DOCK1: variants seen among roughly 807,000 people sequenced by gnomAD.
DOCK1 encodes dedicator of cytokinesis protein 1.
Under a neutral mutation model 262.7 loss-of-function variants are expected in DOCK1, and 138 were observed. That is an observed-to-expected ratio of 0.53 (90% CI 0.46 to 0.61). The LOEUF (loss-of-function observed/expected upper bound fraction) is 0.61. Among genes scored for constraint, DOCK1 ranks in the 20% least tolerant of loss-of-function variants. The pLI, the probability that DOCK1 is intolerant of heterozygous loss-of-function variation, is 0.00. For missense variants in DOCK1, 1,908 were observed against 2,370.7 expected (o/e 0.80, Z 4.05); for synonymous variants, 866 against 867.4 (o/e 1.00, Z 0.03).
Position 127,024,753 on chromosome 10 carries a change from A to C in DOCK1, c.1521A>C (p.Val507=). 6.2e-7 allele frequency: 1 copy of C among 1,612,146 alleles called. No individual in the cohort carries two copies. The highest frequency in any genetic ancestry group is 8.5e-7 in the Non-Finnish European group (1 of 1,179,184). Residue 507 remains valine, a synonymous_variant, in exon 15 of 52, where the codon GTA becomes GTC. Coordinates refer to ENST00000623213, the MANE Select transcript of DOCK1 (RefSeq NM_001290223.2). The part of the protein sequence containing the change: ...SEYKSVIYYQ[V]KQPRWFETVK... ...ACAAATCTGTGATTTACTACCAAGT[A>C]AAGCAGCCACGCTGGTTTGAGACTG...
rs963471556 is a variant in DOCK1 at position 127,446,403 on chromosome 10, G to A, written c.5414-991G>A. ...CATCATGGTGATGGTTATCCCCCAC[G>A]GTCGATGTGATTAATGCCACCAAAT... is the stretch of plus-strand genomic sequence containing the variant. On this transcript the variant is annotated intron_variant, in intron 50 of 51. Transcript: ENST00000623213. The surrounding 1 kb of genome is among the most constrained non-coding windows in gnomAD (Gnocchi z 4.4). 6.6e-6 allele frequency among the ~76,000 whole-genome samples: 1 copy of A among 152,244 alleles called. No individual in the cohort carries two copies. Among genetic ancestry groups the A allele is most frequent in the African/African-American group, 2.4e-5 (1 of 41,556 alleles).
chr10:127,447,084 G>A (rs1006988725), intron 50 of DOCK1, among the ~76,000 whole-genome samples: 6 of 152,160 alleles, frequency 3.9e-5, no homozygotes, highest in African/African-American at 9.7e-5. Flanking sequence ...CAGGGGGCCC[G>A]AGCAGGGACA....
At chr10:126,970,645 A>C in intron 1 of DOCK1, 57 bp from the exon 2 acceptor site, 1 of 1,391,082 alleles carries the variant, frequency 7.2e-7, no homozygotes, top group Admixed American at 1.8e-5. Context: ...AACACGACTC[A>C]GCATGGTCAC....
At chr10:127,025,316 A>T (rs2042753452) in intron 15 of DOCK1, 1 of 152,322 alleles carries the variant, frequency 6.6e-6, no homozygotes, top group Non-Finnish European at 1.5e-5. Context: ...GCTTAGAGGC[A>T]GCATGTATTA....
chr10:127,049,078 A>C (rs894483288), intron 21 of DOCK1, among the ~76,000 whole-genome samples: 2 of 152,234 alleles, frequency 1.3e-5, no homozygotes, highest in African/African-American at 2.4e-5. Context: ...TTGTATATAA[A>C]AAGCCCTCCT....
chr10:127,332,020 G>T (rs1033548153), intron 29 of DOCK1, among the ~76,000 whole-genome samples: 1 of 152,234 alleles, frequency 6.6e-6, no homozygotes, highest in Admixed American at 6.5e-5. Flanking sequence ...GGAACCGGTG[G>T]CTGGGAACTG....
intron 27 of DOCK1, among the ~76,000 whole-genome samples, chr10:127,204,081 C>T (rs980040520): frequency 2.6e-5 from 4 of 152,082 alleles, no homozygotes; most frequent in African/African-American, 9.7e-5. Context: ...AGCTCCCTGG[C>T]ACCTTCTCCC....
chr10:126,990,806 C>T (rs3829124), intron 6 of DOCK1, among the ~76,000 whole-genome samples: 44,398 of 152,020 alleles, frequency 0.29, 6,843 homozygotes, highest in East Asian at 0.58. Flanking sequence ...TTCTTGAAAC[C>T]TTGTCATTCT....
intron 27 of DOCK1, chr10:127,137,003 G>A (rs1017364933): frequency 1.3e-5 from 2 of 152,618 alleles, no homozygotes; most frequent in African/African-American, 4.8e-5. Flanking sequence ...TATGTTCTCA[G>A]ATTCTTGCCA....
intron 25 of DOCK1, among the ~76,000 whole-genome samples, chr10:127,112,177 A>G (rs1241811874): frequency 6.6e-6 from 1 of 152,030 alleles, no homozygotes; most frequent in East Asian, 1.9e-4. Flanking sequence ...ATGCCTAGCT[A>G]ATTTCTGTAT....
intron 31 of DOCK1, 100 bp from the exon 32 acceptor site, chr10:127,354,569 T>G: frequency 7.5e-7 from 1 of 1,339,830 alleles, no homozygotes; most frequent in Non-Finnish European, 1.0e-6. Flanking sequence ...TTTATTTGCC[T>G]CAGTGCTAGA....
At position 127,447,470 on chromosome 10, in the gene DOCK1, A is replaced by G. The variant is rs1270178242; in HGVS notation, c.5490A>G (p.Ala1830=). The change falls in exon 51 of 52, where the codon GCA becomes GCG. Residue 1830 remains alanine (A), a synonymous_variant. Transcript: ENST00000623213. The part of the protein sequence containing the change: ...PPPLPLKGSV[A]DYGNLMENQD... ...CTCTGCCTCTCAAAGGCAGCGTGGC[A>G]GATTACGGGAATTTGATGGAAAACC... 1 of 1,613,842 alleles carries G rather than the reference A, an allele frequency of 6.2e-7. No individual in the cohort carries two copies. The highest frequency in any genetic ancestry group is 8.5e-7 in the Non-Finnish European group (1 of 1,179,842).
In DOCK1 at chr10:127,012,378, C is replaced by T. The variant is rs9418773; in HGVS notation, c.1201+4C>T. On this transcript the variant is annotated splice_donor_region_variant and intron_variant, in intron 12 of 51. Coordinates refer to ENST00000623213, the MANE Select transcript of DOCK1 (RefSeq NM_001290223.2). The surrounding 1 kb of genome is among the most constrained non-coding windows in gnomAD (Gnocchi z 4.0). Reference sequence around the variant, plus strand: ...GAAGTCAACCACAAGGGGCAGGGTACGTATTTTCCTATTTTGTTTCTATCA... The same window carrying T: ...GAAGTCAACCACAAGGGGCAGGGTATGTATTTTCCTATTTTGTTTCTATCA... 0.18 allele frequency: 291,981 copies of T among 1,612,636 alleles called. 28,016 individuals carry two copies. The highest frequency in any genetic ancestry group is 0.23 in the South Asian group (21,312 of 91,014).
chr10:127,342,395 C>A (rs937608172), intron 30 of DOCK1, among the ~76,000 whole-genome samples: 1 of 152,174 alleles, frequency 6.6e-6, no homozygotes, highest in Non-Finnish European at 1.5e-5. Flanking sequence ...GGGTGCCTGG[C>A]TCAGACCCCC....
At chr10:127,368,826 G>T (rs1164485998) in intron 33 of DOCK1, among the ~76,000 whole-genome samples, 1 of 151,962 alleles carries the variant, frequency 6.6e-6, no homozygotes, top group East Asian at 1.9e-4. Flanking sequence ...TTCCCTCCTG[G>T]CATCTTTTTA....
intron 27 of DOCK1, among the ~76,000 whole-genome samples, chr10:127,203,181 T>A (rs1323717278): frequency 6.6e-6 from 1 of 152,196 alleles, no homozygotes; most frequent in African/African-American, 2.4e-5. Context: ...AATATACGTA[T>A]CCCATCTATA....
chr10:126,962,314 C>T (rs990688677), intron 1 of DOCK1, among the ~76,000 whole-genome samples: 6 of 152,216 alleles, frequency 3.9e-5, no homozygotes, highest in African/African-American at 1.4e-4. Context: ...CGCGTGCCGC[C>T]ATGCCCGACT....
intron 27 of DOCK1, among the ~76,000 whole-genome samples, chr10:127,195,285 G>A (rs2057030821): frequency 6.6e-6 from 1 of 152,050 alleles, no homozygotes; most frequent in Non-Finnish European, 1.5e-5. Context: ...TCCTGCCCTC[G>A]CCCGCCAGCT....
intron 48 of DOCK1, among the ~76,000 whole-genome samples, chr10:127,434,953 A>G (rs923491952): frequency 6.6e-6 from 1 of 152,118 alleles, no homozygotes; most frequent in Non-Finnish European, 1.5e-5. Context: ...CGCCTGGCCA[A>G]CGTCCACTTT....
Sources: allele counts gnomAD v4.1 joint callset (sites outside exome capture counted in the v4.1 genomes callset), GRCh38; gene constraint gnomAD v4.1.1; non-coding constraint Gnocchi (gnomAD v3.1); transcripts MANE v1.5; gene names NCBI Gene and HGNC (gene_info 2026-07-23, HGNC 2026-07-21).